BICRAL: variants seen among roughly 807,000 people sequenced by gnomAD.
The protein encoded by BICRAL is BICRA like chromatin remodeling complex associated protein, also known as BRD4-interacting chromatin-remodeling complex-associated protein-like.
BICRAL carries 8 observed loss-of-function variants against 91.8 expected under a neutral mutation model. That is an observed-to-expected ratio of 0.09 (90% CI 0.05 to 0.16). The LOEUF (loss-of-function observed/expected upper bound fraction) is 0.16, where lower values mean the gene tolerates loss of function less well. Ranked by LOEUF, BICRAL falls within the 10% of genes least tolerant of loss-of-function variation. The pLI, the probability that BICRAL is intolerant of heterozygous loss-of-function variation, is 1.00. For missense variants in BICRAL, 1,038 were observed against 1,310.9 expected (o/e 0.79, Z 3.21); for synonymous variants, 445 against 491.1 (o/e 0.91, Z 1.24).
Position 42,864,666 on chromosome 6 carries a change from T to G in BICRAL, c.2460T>G (p.Phe820Leu). The change falls in exon 13 of 13, where the codon TTT becomes TTG. Residue 820 changes from phenylalanine to leucine, a missense_variant. By Grantham distance (22) the Phe-to-Leu change is conservative. Coordinates refer to ENST00000314073, the MANE Select transcript of BICRAL (RefSeq NM_001393499.1). ...KRLALVDPEG[F>L]QADFCCSFKL... ...TTTTGTTCCCATTTCCAGAGGGTTT[T>G]CAGGCTGATTTCTGTTGTTCCTTCA... 1 of 1,613,276 alleles carries G rather than the reference T, an allele frequency of 6.2e-7. No homozygotes were observed. Among genetic ancestry groups the G allele is most frequent in the East Asian group, 2.2e-5 (1 of 44,870 alleles).
intron 2 of BICRAL, among the ~76,000 whole-genome samples, chr6:42,815,984 C>CAAAA (rs746928245): frequency 1.8e-4 from 7 of 39,234 alleles, no homozygotes; most frequent in Admixed American, 2.6e-4. Context: ...AACTCTGTCT[C>CAAAA]AAAAAAAAAA....
intron 1 of BICRAL, among the ~76,000 whole-genome samples, chr6:42,794,427 G>C (rs368079297): frequency 2.1e-5 from 1 of 47,798 alleles, no homozygotes; most frequent in African/African-American, 1.9e-4. Context: ...GTGTGTGTGT[G>C]TGTGTGTGTG....
chr6:42,783,602 G>C (rs890068437), intron 1 of BICRAL, among the ~76,000 whole-genome samples: 8 of 152,216 alleles, frequency 5.3e-5, no homozygotes, highest in Non-Finnish European at 7.4e-5. Context: ...GCCGAGAGCA[G>C]GGTGCTGAAT....
At chr6:42,845,925 G>C (rs752271214) in intron 6 of BICRAL, among the ~76,000 whole-genome samples, 1 of 148,988 alleles carries the variant, frequency 6.7e-6, no homozygotes, top group African/African-American at 2.5e-5. Flanking sequence ...AAAAAAATTA[G>C]CTTGGCGTGG....
intron 1 of BICRAL, among the ~76,000 whole-genome samples, chr6:42,798,626 G>C (rs1241639025): frequency 3.3e-5 from 5 of 152,148 alleles, no homozygotes; most frequent in Admixed American, 1.3e-4. Flanking sequence ...AACCCAGGAG[G>C]GGGAGGTTGT....
chr6:42,864,692 A>C lies in BICRAL; in HGVS notation c.2486A>C (p.Lys829Thr). ...CAGGCTGATTTCTGTTGTTCCTTCA[A>C]ACTTGATAAAGCTGCTCATGAGACA... ...GFQADFCCSF[K>T]LDKAAHETQF... Residue 829 changes from lysine (K) to threonine (T), a missense_variant, in exon 13 of 13, where the codon AAA becomes ACA. Transcript: ENST00000314073. 6.2e-7 allele frequency: 1 copy of C among 1,613,942 alleles called. No homozygotes were observed. Among genetic ancestry groups the C allele is most frequent in the Non-Finnish European group, 8.5e-7 (1 of 1,179,950 alleles).
intron 1 of BICRAL, among the ~76,000 whole-genome samples, chr6:42,790,027 G>A (rs1238056497): frequency 8.8e-6 from 1 of 113,984 alleles, no homozygotes; most frequent in Non-Finnish European, 1.7e-5. Flanking sequence ...ACTAGTAGAG[G>A]GATCTGTGAG....
At chr6:42,803,869 A>G (rs927397162) in intron 1 of BICRAL, among the ~76,000 whole-genome samples, 16 of 152,228 alleles carry the variant, frequency 1.1e-4, no homozygotes, top group East Asian at 1.9e-4. Flanking sequence ...GGTATAGCCT[A>G]TTGTTCCCAG....
At position 42,767,550 on chromosome 6, in the gene BICRAL, C is replaced by T. The variant is rs55977408; in HGVS notation, c.-260-14289C>T. Among the ~76,000 whole-genome samples, 895 of 152,294 alleles carry T rather than the reference C, an allele frequency of 5.9e-3. 2 individuals carry two copies. The highest frequency in any genetic ancestry group is 0.01 in the Non-Finnish European group (682 of 68,036). ...CCAGTGGGTGTTTGTTGAGTGTCTG[C>T]TACCTGCAACACCAGCCAGGTGGCT... is the stretch of plus-strand genomic sequence containing the variant. On this transcript the variant is annotated intron_variant, in intron 1 of 14. Transcript: ENST00000614467.
Position 42,822,856 on chromosome 6 carries a change from A to T in BICRAL, c.90+12A>T, listed in dbSNP as rs189069875. 3 of 1,530,076 alleles carry T rather than the reference A, an allele frequency of 2.0e-6. No homozygotes were observed. The African/African-American group carries it at 4.1e-5, about 21-fold the overall frequency. The allele number at this position is 1,530,076 out of a possible 1,614,324, so 94.8% of individuals were successfully genotyped here. Reference sequence around the variant, plus strand: ...CTAGTAATAAATCTGTAAGTAATGCATAGAATACCACAGACATCTATTTTG... The same window carrying T: ...CTAGTAATAAATCTGTAAGTAATGCTTAGAATACCACAGACATCTATTTTG... On this transcript the variant is annotated intron_variant, in intron 4 of 12. Coordinates refer to ENST00000314073, the MANE Select transcript of BICRAL (RefSeq NM_001393499.1).
chr6:42,775,901 T>C (rs1287130161), intron 1 of BICRAL, among the ~76,000 whole-genome samples: 1 of 152,244 alleles, frequency 6.6e-6, no homozygotes, highest in Non-Finnish European at 1.5e-5. Flanking sequence ...CTCCAATAAA[T>C]TGCTTATCAT....
Position 42,810,569 on chromosome 6 carries a change from C to T in BICRAL, c.-6+168C>T, listed in dbSNP as rs1344548948. The stretch of plus-strand genomic sequence containing the variant: ...ACTTTACATCCTTATCGACATGAAT[C>T]GTTATTTGCCCTGCATAAGTGGCTA... On this transcript the variant is annotated intron_variant, in intron 2 of 12. Coordinates refer to ENST00000314073, the MANE Select transcript of BICRAL (RefSeq NM_001393499.1). Among the ~76,000 whole-genome samples, 4 of 152,166 alleles carry T rather than the reference C, an allele frequency of 2.6e-5. No homozygotes were observed. The East Asian group carries it at 5.8e-4, about 22-fold the overall frequency.
At chr6:42,803,219 A>T (rs925956601) in intron 1 of BICRAL, among the ~76,000 whole-genome samples, 1 of 152,342 alleles carries the variant, frequency 6.6e-6, no homozygotes, top group East Asian at 1.9e-4. Flanking sequence ...AAATCCCTTT[A>T]TAAGGAGGTT....
At chr6:42,768,677 C>T (rs1026798141) in intron 1 of BICRAL, among the ~76,000 whole-genome samples, 61 of 152,334 alleles carry the variant, frequency 4.0e-4, no homozygotes, top group African/African-American at 1.4e-3. Context: ...CCCCTCCATG[C>T]CCAGTGAGAA....
rs557996908 is a variant in BICRAL, at chr6:42,855,892, G to A, written c.2083G>A (p.Ala695Thr). 3 of 1,613,852 alleles carry A rather than the reference G, an allele frequency of 1.9e-6. No homozygotes were observed. The highest frequency in any genetic ancestry group is 2.7e-5 in the African/African-American group (2 of 75,006). Residue 695 changes from alanine (A) to threonine (T), a missense_variant, in exon 9 of 13, where the codon GCG becomes ACG. Physicochemically the swap from Ala to Thr is moderately conservative, Grantham distance 58 (BLOSUM62 0). Around this residue, in one of 5 missense-constraint regions of BICRAL, gnomAD observed 532 missense variants for 724.9 expected, o/e 0.73. Transcript: ENST00000314073. The stretch of plus-strand genomic sequence containing the variant: ...TTCGGGAGGACAAAAAAGGCCTGCT[G>A]CGAAACAGCTAACGAAAGGAGCTTT... The part of the protein sequence containing the change: ...SHSGGQKRPA[A>T]KQLTKGAFIL...
At chr6:42,847,778 C>G (rs1283961292) in intron 6 of BICRAL, among the ~76,000 whole-genome samples, 1 of 151,666 alleles carries the variant, frequency 6.6e-6, no homozygotes, top group African/African-American at 2.4e-5. Flanking sequence ...CAAAAATTAG[C>G]CGGGTGTGGT....
At chr6:42,782,040 G>GCCGCCGCCC (rs1268592797), upstream of BICRAL, 1 of 148,468 alleles carries the variant, frequency 6.7e-6, no homozygotes, top group East Asian at 1.9e-4. Context: ...CGCCGCCGCC[G>GCCGCCGCCC]CCGCCGCCCC....
At position 42,829,548 on chromosome 6, in the gene BICRAL, A is replaced by T; in HGVS notation, c.1215A>T (p.Thr405=). The change falls in exon 6 of 13, where the codon ACA becomes ACT. Residue 405 remains threonine, a synonymous_variant. Transcript: ENST00000314073. Reference sequence around the variant, plus strand: ...CCCAAAGTCAGTTCCTTATACCTACAAGCCTTTCTGTCAGTTCCAACTCGG... The same window carrying T: ...CCCAAAGTCAGTTCCTTATACCTACTAGCCTTTCTGTCAGTTCCAACTCGG... ...HAPQSQFLIP[T]SLSVSSNSVH... 6.2e-7 allele frequency: 1 copy of T among 1,614,214 alleles called. No individual in the cohort carries two copies. Among genetic ancestry groups the T allele is most frequent in the Non-Finnish European group, 8.5e-7 (1 of 1,180,034 alleles).
chr6:42,829,910 C>G lies in BICRAL; in HGVS notation c.1577C>G (p.Ala526Gly). Residue 526 changes from alanine to glycine, a missense_variant, in exon 6 of 13, where the codon GCC (alanine) becomes GGC (glycine). Around this residue, in one of 5 missense-constraint regions of BICRAL, gnomAD observed 532 missense variants for 724.9 expected, o/e 0.73. Coordinates refer to ENST00000314073, the MANE Select transcript of BICRAL (RefSeq NM_001393499.1). ...GTTTCCCAAGGAAGACCTGGCTTCG[C>G]CACCATGCCATCGGTGACAAGCATG... Reference protein sequence around the residue: ...SSVSQGRPGFATMPSVTSMSG... With the variant: ...SSVSQGRPGFGTMPSVTSMSG... The G allele has an allele frequency of 6.2e-7, 1 of 1,614,228 alleles. No homozygotes were observed. The highest frequency in any genetic ancestry group is 8.5e-7 in the Non-Finnish European group (1 of 1,180,046).
Sources: gnomAD v4.1 joint callset for allele counts (sites outside exome capture counted in the v4.1 genomes callset) on GRCh38, gnomAD v4.1.1 for gene constraint, gnomAD v4.1.1 regional missense constraint, MANE v1.5 for transcripts, NCBI Gene and HGNC (gene_info 2026-07-23, HGNC 2026-07-21) for gene names.